Variants in ROBO3 observed in about 807,000 individuals in gnomAD.
ROBO3 encodes the protein roundabout guidance receptor 3.
Under a neutral mutation model 160.5 loss-of-function variants are expected in ROBO3, and 97 were observed. The observed-to-expected ratio is 0.60, with a 90% CI of 0.51 to 0.72. ROBO3 has a LOEUF of 0.72. Among genes scored for constraint, ROBO3 ranks in the 30% least tolerant of loss-of-function variants. The pLI is 0.00. For synonymous variants in ROBO3, 780 were observed against 746.2 expected (o/e 1.05, Z -0.74); for missense variants, 1,858 against 1,846.5 (o/e 1.01, Z -0.11).
rs2135329066 is a variant in ROBO3 at position 124,872,565 on chromosome 11, G to A, written c.1330+13G>A. On this transcript the variant is annotated intron_variant, in intron 8 of 27. Coordinates refer to ENST00000397801, the MANE Select transcript of ROBO3 (RefSeq NM_022370.4). This position sits in a 1 kb window ranked among gnomAD's most constrained non-coding sequence, Gnocchi z 4.3. ...GAGATAAAAGGAGGTACGTGCCCAT[G>A]GAGATAGGACTGGATCCATGGCTTG... is the stretch of plus-strand genomic sequence containing the variant. 6.2e-7 allele frequency: 1 copy of A among 1,611,442 alleles called. No homozygotes were observed. The highest frequency in any genetic ancestry group is 8.5e-7 in the Non-Finnish European group (1 of 1,178,012).
intron 25 of ROBO3, 88 bp downstream of exon 25, chr11:124,879,663 G>A: frequency 1.3e-6 from 2 of 1,530,294 alleles, no homozygotes; most frequent in Non-Finnish European, 1.8e-6. Context: ...GCTGGAGGAG[G>A]GAACAGGTGA....
chr11:124,879,374 C>G, intron 24 of ROBO3, 33 bp downstream of exon 24: 1 of 1,606,498 alleles, frequency 6.2e-7, no homozygotes, highest in South Asian at 1.1e-5. Flanking sequence ...TGCCCCCCGG[C>G]TCCCTCCAGT....
rs777475168 is a variant in ROBO3 at position 124,878,083 on chromosome 11, G to A, written c.3133G>A (p.Gly1045Ser). The A allele has an allele frequency of 6.2e-7, 1 of 1,612,200 alleles. No individual in the cohort carries two copies. Among genetic ancestry groups the A allele is most frequent in the Non-Finnish European group, 8.5e-7 (1 of 1,179,400 alleles). ...CCCCCAACATCCCTCAGGAGATCTG[G>A]GTCCCTGGAGCCAGTACGCTCCTCC... ...GFPQHPSGDL[G>S]PWSQYAPPEW... The change falls in exon 21 of 28, where the codon GGT becomes AGT. Residue 1045 changes from glycine (G) to serine (S), a missense_variant. Physicochemically the swap from Gly to Ser is moderately conservative, Grantham distance 56 (BLOSUM62 0). Coordinates refer to ENST00000397801, the MANE Select transcript of ROBO3 (RefSeq NM_022370.4). This position sits in a 1 kb window ranked among gnomAD's most constrained non-coding sequence, Gnocchi z 4.3.
At chr11:124,875,706 C>G in intron 15 of ROBO3, 21 bp downstream of exon 15, 1 of 1,589,602 alleles carries the variant, frequency 6.3e-7, no homozygotes, top group Non-Finnish European at 8.6e-7. Context: ...TGAGGAGGGA[C>G]TGGATGGGAG....
In ROBO3 at chr11:124,877,603, A is replaced by G. The variant is rs763859563; in HGVS notation, c.2931A>G (p.Glu977=). 9.1e-5 allele frequency: 147 copies of G among 1,609,158 alleles called. No homozygotes were observed. The highest frequency in any genetic ancestry group is 1.2e-4 in the Non-Finnish European group (142 of 1,178,028). The stretch of plus-strand genomic sequence containing the variant: ...CATCTCGAAGCCCCTCGGCCCAGGA[A>G]CCCAGGGGAAGCTGCTGCCCTAGCA... ...PHPSRSPSAQ[E]PRGSCCPSNP... is the part of the protein sequence containing the mutation. Residue 977 remains glutamate (E), a synonymous_variant, in exon 20 of 28, where the codon GAA becomes GAG. Coordinates refer to ENST00000397801, the MANE Select transcript of ROBO3 (RefSeq NM_022370.4).
chr11:124,875,124 T>A lies in ROBO3; in HGVS notation c.2087T>A (p.Val696Asp), dbSNP rs779623364. ...TGTCTCCCACAGGTGGATGGCCCAG[T>A]CCAGCTGGTGCAAGGTTTCCGGGTG... ...LQVSWTVDGPVQLVQGFRVSW... is the reference protein window; with the variant it reads ...LQVSWTVDGPDQLVQGFRVSW... The change falls in exon 14 of 28, where the codon GTC (valine) becomes GAC (aspartate). Residue 696 changes from valine to aspartate, a missense_variant. Coordinates refer to ENST00000397801, the MANE Select transcript of ROBO3 (RefSeq NM_022370.4). 2 of 1,607,140 alleles carry A rather than the reference T, an allele frequency of 1.2e-6. No homozygotes were observed. The highest frequency in any genetic ancestry group is 1.7e-6 in the Non-Finnish European group (2 of 1,177,212).
intron 17 of ROBO3, 58 bp from the exon 18 acceptor site, chr11:124,877,103 T>G: frequency 1.3e-6 from 2 of 1,594,666 alleles, no homozygotes; most frequent in Non-Finnish European, 1.7e-6. Flanking sequence ...TATAGGGGTA[T>G]TTCTGACCCT....
At chr11:124,879,057 T>C in intron 23 of ROBO3, 133 bp from the exon 24 acceptor site, 1 of 1,075,706 alleles carries the variant, frequency 9.3e-7, no homozygotes, top group Non-Finnish European at 1.3e-6. Flanking sequence ...CTTCTCTAGC[T>C]TGGGAGGACT....
intron 20 of ROBO3, 43 bp downstream of exon 20, chr11:124,877,701 C>A: frequency 6.2e-7 from 1 of 1,602,540 alleles, no homozygotes; most frequent in Non-Finnish European, 8.5e-7. Flanking sequence ...GCGCACTTCT[C>A]CCGACCTACT....
At chr11:124,871,826 C>G (rs1485485348) in intron 7 of ROBO3, among the ~76,000 whole-genome samples, 5 of 152,190 alleles carry the variant, frequency 3.3e-5, no homozygotes, top group African/African-American at 1.2e-4. Flanking sequence ...TTTTCTAGCA[C>G]CTGGGACTGC....
rs1334525014 is a variant in ROBO3, at chr11:124,873,415, A to G, written c.1618+24A>G. The G allele has an allele frequency of 6.3e-7, 1 of 1,585,084 alleles. No individual in the cohort carries two copies. The highest frequency in any genetic ancestry group is 1.7e-4 in the Middle Eastern group (1 of 6,014). ...GGGTGAGTTTTTTCTTTCTTCCCTT[A>G]TTTTGATAATACCTTCCTCCAAACC... On this transcript the variant is annotated intron_variant, in intron 10 of 27. Coordinates refer to ENST00000397801, the MANE Select transcript of ROBO3 (RefSeq NM_022370.4). This position sits in a 1 kb window ranked among gnomAD's most constrained non-coding sequence, Gnocchi z 4.5.
rs1358246219 is a variant in ROBO3 at position 124,872,058 on chromosome 11, G to A, written c.1159-323G>A. ...ACAACGTGTTAGAAGACTTTCATATGATTACTTCATGTGATCTTTATAACT... is the reference window on the plus strand; with the variant it reads ...ACAACGTGTTAGAAGACTTTCATATAATTACTTCATGTGATCTTTATAACT... On this transcript the variant is annotated intron_variant, in intron 7 of 27. Transcript: ENST00000397801. This position sits in a 1 kb window ranked among gnomAD's most constrained non-coding sequence, Gnocchi z 4.3. Among the ~76,000 whole-genome samples, 2 of 152,182 alleles carry A rather than the reference G, an allele frequency of 1.3e-5. No individual in the cohort carries two copies. The highest frequency in any genetic ancestry group is 2.9e-5 in the Non-Finnish European group (2 of 68,040).
At position 124,876,540 on chromosome 11, in the gene ROBO3, G is replaced by A; in HGVS notation, c.2779+80G>A. ...GGGAGGGGCAGGGGCTTAGCCGCTG[G>A]CGAGTGAGGACCGGGTCGGGAGAAA... On this transcript the variant is annotated intron_variant, in intron 17 of 27. Coordinates refer to ENST00000397801, the MANE Select transcript of ROBO3 (RefSeq NM_022370.4). This position sits in a 1 kb window ranked among gnomAD's most constrained non-coding sequence, Gnocchi z 5.3. 1 of 1,210,876 alleles carries A rather than the reference G, an allele frequency of 8.3e-7. No individual in the cohort carries two copies. Among genetic ancestry groups the A allele is most frequent in the Non-Finnish European group, 1.1e-6 (1 of 936,092 alleles). The allele number at this position is 1,210,876 out of a possible 1,614,324, so 75.0% of individuals were successfully genotyped here.
At chr11:124,868,268 G>A (rs1946228890) in intron 1 of ROBO3, among the ~76,000 whole-genome samples, 1 of 152,158 alleles carries the variant, frequency 6.6e-6, no homozygotes, top group African/African-American at 2.4e-5. Context: ...GCCCGGCCCT[G>A]TCACTCCCGT....
At chr11:124,870,842 T>TGAGACTTC (rs1381502874) in intron 6 of ROBO3, 114 bp downstream of exon 6, 2 of 1,527,808 alleles carry the variant, frequency 1.3e-6, no homozygotes, top group East Asian at 4.6e-5. Context: ...ATGGAACACC[T>TGAGACTTC]GAGACTTCTG....
rs1029255478 is a variant in ROBO3 at position 124,865,822 on chromosome 11, T to C, written c.160+85T>C. 7.1e-7 allele frequency: 1 copy of C among 1,411,636 alleles called. No homozygotes were observed. The highest frequency in any genetic ancestry group is 1.4e-5 in the African/African-American group (1 of 70,368). The allele number at this position is 1,411,636 out of a possible 1,614,324, so 87.4% of individuals were successfully genotyped here. ...CGTGGAAGGGAAGGAGAAGCGCTCC[T>C]GTCCCGAGGTCCGGGATTGAGTGGC... On this transcript the variant is annotated intron_variant, in intron 1 of 27. Transcript: ENST00000397801. The surrounding 1 kb of genome is among the most constrained non-coding windows in gnomAD (Gnocchi z 5.5).
chr11:124,873,885 A>G lies in ROBO3; in HGVS notation c.1784+23A>G, dbSNP rs2135331208. 1 of 1,611,532 alleles carries G rather than the reference A, an allele frequency of 6.2e-7. No individual in the cohort carries two copies. Among genetic ancestry groups the G allele is most frequent in the Non-Finnish European group, 8.5e-7 (1 of 1,178,562 alleles). On this transcript the variant is annotated intron_variant, in intron 11 of 27. Coordinates refer to ENST00000397801, the MANE Select transcript of ROBO3 (RefSeq NM_022370.4). The surrounding 1 kb of genome is among the most constrained non-coding windows in gnomAD (Gnocchi z 4.5). ...CAGGTATGGAGAAAGTTTTGAATGC[A>G]AACCTGGAGAGTTAAAAGGAGGGGA...
rs200324766 is a variant in ROBO3 at position 124,881,228 on chromosome 11, T to C, written c.4150-11T>C. Reference sequence around the variant, plus strand: ...GGTTTTACAAAACAGCATCTCTCTCTCTCTCCCTAGGAACCAAGATGACCC... The same window carrying C: ...GGTTTTACAAAACAGCATCTCTCTCCCTCTCCCTAGGAACCAAGATGACCC... On this transcript the variant is annotated splice_polypyrimidine_tract_variant and intron_variant, in intron 27 of 27. Coordinates refer to ENST00000397801, the MANE Select transcript of ROBO3 (RefSeq NM_022370.4). 426 of 1,605,212 alleles carry C rather than the reference T, an allele frequency of 2.7e-4. 1 individual carries two copies. In the African/African-American group the frequency reaches 4.0e-3, roughly 15 times the overall value.
chr11:124,865,748 G>A lies in ROBO3; in HGVS notation c.160+11G>A. The stretch of plus-strand genomic sequence containing the variant: ...ATCCCTCTCTCAACGGTGAGACCCT[G>A]CCTCTTGGGGATATGGGATCCTGGG... On this transcript the variant is annotated intron_variant, in intron 1 of 27. Coordinates refer to ENST00000397801, the MANE Select transcript of ROBO3 (RefSeq NM_022370.4). This position sits in a 1 kb window ranked among gnomAD's most constrained non-coding sequence, Gnocchi z 5.5. 1.9e-6 allele frequency: 3 copies of A among 1,599,216 alleles called. No individual in the cohort carries two copies. In the South Asian group the frequency reaches 3.4e-5, roughly 18 times the overall value.
Sources: gnomAD v4.1 joint callset for allele counts (sites outside exome capture counted in the v4.1 genomes callset) on GRCh38, gnomAD v4.1.1 for gene constraint, Gnocchi (gnomAD v3.1) non-coding constraint, MANE v1.5 for transcripts, NCBI Gene and HGNC (gene_info 2026-07-23, HGNC 2026-07-21) for gene names.